The following PAMR1 variants were observed in gnomAD, a reference collection of about 807,000 sequenced individuals.
PAMR1 encodes the protein peptidase domain containing associated with muscle regeneration 1, also known as inactive serine protease PAMR1.
PAMR1 carries 88 observed loss-of-function variants against 81.8 expected under a neutral mutation model. The observed-to-expected ratio is 1.08, with a 90% CI of 0.91 to 1.28. The LOEUF is 1.28. Ranked by LOEUF, PAMR1 falls within the 50% of genes most tolerant of loss-of-function variation. The pLI is 0.00. For synonymous variants in PAMR1, 336 were observed against 345.3 expected, an observed-to-expected ratio of 0.97 and a Z score of 0.30; for missense variants, 935 against 919.7, an observed-to-expected ratio of 1.02 and a Z score of -0.21.
At chr11:35,481,657 G>C (rs1850395432) in intron 3 of PAMR1, among the ~76,000 whole-genome samples, 1 of 152,072 alleles carries the variant, frequency 6.6e-6, no homozygotes, top group African/African-American at 2.4e-5. Context: ...CAAGTAGCTG[G>C]GAGTACAGAA....
intron 1 of PAMR1, among the ~76,000 whole-genome samples, chr11:35,497,876 T>C (rs1429331765): frequency 6.6e-6 from 1 of 152,186 alleles, no homozygotes; most frequent in East Asian, 1.9e-4. Context: ...TATATATAGC[T>C]TCTTTTTAAC....
At chr11:35,501,122 C>A (rs1850828914) in intron 1 of PAMR1, among the ~76,000 whole-genome samples, 1 of 144,204 alleles carries the variant, frequency 6.9e-6, no homozygotes, top group African/African-American at 2.6e-5. Flanking sequence ...AATTTTATAA[C>A]CTTTTTTTTT....
intron 1 of PAMR1, among the ~76,000 whole-genome samples, chr11:35,524,357 G>T (rs1590406863): frequency 6.6e-6 from 1 of 152,328 alleles, no homozygotes; most frequent in South Asian, 2.1e-4. Flanking sequence ...TGACCAAAAT[G>T]AAGGGCAGGG....
At chr11:35,526,749 C>T (rs996985234), upstream of PAMR1, among the ~76,000 whole-genome samples, 1 of 152,198 alleles carries the variant, frequency 6.6e-6, no homozygotes, top group African/African-American at 2.4e-5. Context: ...TTGTATTTCA[C>T]CATTTGATAT....
intron 1 of PAMR1, among the ~76,000 whole-genome samples, chr11:35,511,954 ACCTGTCACCAAGTGAC>A (rs1851080900): frequency 6.6e-6 from 1 of 152,132 alleles, no homozygotes; most frequent in Admixed American, 6.5e-5. Flanking sequence ...TTGAGAGCCA[ACCTGTCACCAAGTGAC>A]CCTCAGTCTA....
chr11:35,494,356 C>A (rs1271562910), intron 1 of PAMR1, 84 bp from the exon 2 acceptor site: 2 of 1,203,702 alleles, frequency 1.7e-6, no homozygotes, highest in East Asian at 4.7e-5. Flanking sequence ...TGTTTTGAGA[C>A]GGAGTCTTGC....
chr11:35,503,055 C>A (rs1472937131), intron 1 of PAMR1, among the ~76,000 whole-genome samples: 1 of 152,130 alleles, frequency 6.6e-6, no homozygotes, highest in African/African-American at 2.4e-5. Flanking sequence ...TCTGCATATA[C>A]ATATCCTGTT....
intron 5 of PAMR1, 39 bp from the exon 6 acceptor site, chr11:35,468,147 T>C (rs748438325): frequency 5.5e-6 from 7 of 1,268,230 alleles, no homozygotes; most frequent in Non-Finnish European, 7.9e-6. Context: ...CACTATACAT[T>C]GAGTCGATGT....
chr11:35,480,771 TG>T (rs1222524159), intron 3 of PAMR1, among the ~76,000 whole-genome samples: 1 of 152,172 alleles, frequency 6.6e-6, no homozygotes, highest in East Asian at 1.9e-4. Flanking sequence ...CGTGCCATGG[TG>T]GTTTGCTGCA....
chr11:35,432,483 G>A lies in PAMR1; in HGVS notation c.2036C>T (p.Pro679Leu). The A allele has an allele frequency of 6.2e-7, 1 of 1,614,230 alleles. No individual in the cohort carries two copies. The highest frequency in any genetic ancestry group is 8.5e-7 in the Non-Finnish European group (1 of 1,180,048). Residue 679 changes from proline to leucine, a missense_variant, in exon 11 of 11, where the codon CCT (proline) becomes CTT (leucine). By Grantham distance (98) the Pro-to-Leu change is moderately conservative (BLOSUM62 -3). Coordinates refer to ENST00000619888, the MANE Select transcript of PAMR1 (RefSeq NM_001001991.3). ...AAVSFPGRAS[P>L]EPRWHLMGLV... ...TCCCATCAGATGCCAGCGTGGCTCA[G>A]GAGATGCTCGTCCCGGGAAGGACAC...
At chr11:35,433,997 A>G (rs149599332) in intron 10 of PAMR1, among the ~76,000 whole-genome samples, 63 of 152,338 alleles carry the variant, frequency 4.1e-4, no homozygotes, top group African/African-American at 1.4e-3. Context: ...CTGTCTACCT[A>G]GGACAGTGCC....
At chr11:35,502,582 A>G (rs1392319228) in intron 1 of PAMR1, among the ~76,000 whole-genome samples, 10 of 152,198 alleles carry the variant, frequency 6.6e-5, no homozygotes, top group African/African-American at 2.4e-4. Context: ...CCTGCAAAGG[A>G]CATGATCTCG....
At chr11:35,480,345 T>C (rs989549065) in intron 3 of PAMR1, among the ~76,000 whole-genome samples, 1 of 152,222 alleles carries the variant, frequency 6.6e-6, no homozygotes, top group African/African-American at 2.4e-5. Flanking sequence ...TTGCCAGGGT[T>C]ATCACAAAAC....
intron 1 of PAMR1, among the ~76,000 whole-genome samples, chr11:35,515,075 A>G (rs1260110258): frequency 6.6e-6 from 1 of 152,246 alleles, no homozygotes; most frequent in East Asian, 1.9e-4. Context: ...TAGAATGACG[A>G]CATTAAAAAC....
chr11:35,525,800 T>G, upstream of PAMR1: 1 of 576,674 alleles, frequency 1.7e-6, no homozygotes. Flanking sequence ...GCCTTAACCC[T>G]TGCGGGGCCC....
Position 35,432,700 on chromosome 11 carries a change from C to G in PAMR1, c.1819G>C (p.Val607Leu), listed in dbSNP as rs148541461. 6.2e-7 allele frequency: 1 copy of G among 1,613,608 alleles called. No homozygotes were observed. Among genetic ancestry groups the G allele is most frequent in the Non-Finnish European group, 8.5e-7 (1 of 1,179,640 alleles). Residue 607 changes from valine (V) to leucine (L), a missense_variant, in exon 11 of 11, where the codon GTG becomes CTG. By Grantham distance (32) the Val-to-Leu change is conservative. Coordinates refer to ENST00000619888, the MANE Select transcript of PAMR1 (RefSeq NM_001001991.3). Reference protein sequence around the residue: ...TVAGWNVLADVRSPGFKNDTL... With the variant: ...TVAGWNVLADLRSPGFKNDTL... Reference sequence around the variant, plus strand: ...TCGTTCTTGAAGCCAGGGCTCCTCACGTCTGCCAGGACATTCCAGCCAGCC... The same window carrying G: ...TCGTTCTTGAAGCCAGGGCTCCTCAGGTCTGCCAGGACATTCCAGCCAGCC...
At chr11:35,527,610 C>G (rs769594049), upstream of PAMR1, among the ~76,000 whole-genome samples, 5 of 152,178 alleles carry the variant, frequency 3.3e-5, no homozygotes, top group South Asian at 2.1e-4. Flanking sequence ...GCTGGCCAAC[C>G]AGTCCTGGTC....
At chr11:35,437,931 A>T (rs887168573) in intron 8 of PAMR1, among the ~76,000 whole-genome samples, 3 of 152,206 alleles carry the variant, frequency 2.0e-5, no homozygotes, top group Non-Finnish European at 2.9e-5. Flanking sequence ...AAAAGACAAA[A>T]ATGGAAGGAG....
At chr11:35,455,392 G>A (rs1856507347) in intron 6 of PAMR1, among the ~76,000 whole-genome samples, 1 of 152,170 alleles carries the variant, frequency 6.6e-6, no homozygotes, top group East Asian at 1.9e-4. Flanking sequence ...CATATCCTCT[G>A]ATAAACACAA....
Sources: gnomAD v4.1 joint callset for allele counts (sites outside exome capture counted in the v4.1 genomes callset) on GRCh38, gnomAD v4.1.1 for gene constraint, MANE v1.5 for transcripts, NCBI Gene and HGNC (gene_info 2026-07-23, HGNC 2026-07-21) for gene names.